KPNA6: variants seen among roughly 807,000 people sequenced by gnomAD.
The protein encoded by KPNA6 is importin subunit alpha-7.
Under a neutral mutation model 72.0 loss-of-function variants are expected in KPNA6, and 9 were observed. The observed-to-expected ratio is 0.13, with a 90% CI of 0.08 to 0.22. KPNA6 has a LOEUF of 0.22. Ranked by LOEUF, KPNA6 falls within the 10% of genes least tolerant of loss-of-function variation. The probability of loss-of-function intolerance (pLI) is 1.00; values close to 1 mark genes in which losing one functional copy is unlikely to be tolerated. For synonymous variants in KPNA6, 219 were observed against 242.1 expected, an observed-to-expected ratio of 0.90 and a Z score of 0.89; for missense variants, 374 against 655.7, an observed-to-expected ratio of 0.57 and a Z score of 4.69.
chr1:32,158,244 A>C (rs374930569), intron 4 of KPNA6, 23 bp from the exon 5 acceptor site: 2 of 1,537,898 alleles, frequency 1.3e-6, no homozygotes, highest in Admixed American at 1.7e-5. Flanking sequence ...CTGTGTTTTT[A>C]TTTTCCCTTC....
Position 32,160,703 on chromosome 1 carries a change from C to G in KPNA6, c.647C>G (p.Thr216Arg). 1 of 1,611,160 alleles carries G rather than the reference C, an allele frequency of 6.2e-7. No homozygotes were observed. Among genetic ancestry groups the G allele is most frequent in the Non-Finnish European group, 8.5e-7 (1 of 1,177,388 alleles). Residue 216 changes from threonine (T) to arginine (R), a missense_variant and splice_region_variant, in exon 7 of 14, where the codon ACA (threonine) becomes AGA (arginine). By Grantham distance (71) the Thr-to-Arg change is moderately conservative. Transcript: ENST00000373625. ...TGTTCCATCCTTAATCCTTTGTTAACGTGAGTAATTATAATCATCTGTACC... is the reference window on the plus strand; with the variant it reads ...TGTTCCATCCTTAATCCTTTGTTAAGGTGAGTAATTATAATCATCTGTACC... ...LNCSILNPLL[T>R]LLTKSTRLTM... is the part of the protein sequence containing the mutation.
At position 32,154,583 on chromosome 1, in the gene KPNA6, T is replaced by C. The variant is rs1302898254; in HGVS notation, c.5-5T>C. On this transcript the variant is annotated splice_polypyrimidine_tract_variant and splice_region_variant and intron_variant, in intron 1 of 13. Coordinates refer to ENST00000373625, the MANE Select transcript of KPNA6 (RefSeq NM_012316.5). ...GTTTTTGGCAGTGTGTATCTTTTCTTCTAGAGACCATGGCGAGCCCAGGGA... is the reference window on the plus strand; with the variant it reads ...GTTTTTGGCAGTGTGTATCTTTTCTCCTAGAGACCATGGCGAGCCCAGGGA... The C allele has an allele frequency of 6.2e-7, 1 of 1,612,764 alleles. No individual in the cohort carries two copies. The highest frequency in any genetic ancestry group is 2.2e-5 in the East Asian group (1 of 44,842).
rs1642407680 is a variant in KPNA6, at chr1:32,169,980, T to C, written c.1343T>C (p.Ile448Thr). ...GTGGCCCTCAATGGACTGGAGAACA[T>C]CCTGCGGCTTGGAGAGCAAGAGGGC... ...VQVALNGLEN[I>T]LRLGEQEGKR... Residue 448 changes from isoleucine (I) to threonine (T), a missense_variant, in exon 13 of 14, where the codon ATC (isoleucine) becomes ACC (threonine). Transcript: ENST00000373625. 6.2e-7 allele frequency: 1 copy of C among 1,613,938 alleles called. No homozygotes were observed. Among genetic ancestry groups the C allele is most frequent in the Non-Finnish European group, 8.5e-7 (1 of 1,180,026 alleles).
chr1:32,162,288 C>A, intron 8 of KPNA6, 73 bp from the exon 9 acceptor site: 1 of 1,391,958 alleles, frequency 7.2e-7, no homozygotes, highest in Non-Finnish European at 9.8e-7. Flanking sequence ...GCGGTGGTTG[C>A]AATGTTAGGG....
chr1:32,161,805 C>A, intron 7 of KPNA6, 142 bp from the exon 8 acceptor site: 1 of 648,470 alleles, frequency 1.5e-6, no homozygotes, highest in Non-Finnish European at 2.8e-6. Context: ...CCTATACCAG[C>A]TCTATTAACT....
chr1:32,162,921 G>A (rs916117361), intron 9 of KPNA6, among the ~76,000 whole-genome samples: 3 of 151,684 alleles, frequency 2.0e-5, no homozygotes, highest in South Asian at 4.2e-4. Flanking sequence ...TGGCTAACAC[G>A]GTGAAACCCC....
intron 1 of KPNA6, among the ~76,000 whole-genome samples, chr1:32,126,368 G>T (rs1377627647): frequency 7.4e-6 from 1 of 135,786 alleles, no homozygotes; most frequent in Non-Finnish European, 1.5e-5. Context: ...GGTATAGATT[G>T]CAGAAGTCAT....
At chr1:32,111,145 A>T (rs1641238230) in intron 1 of KPNA6, among the ~76,000 whole-genome samples, 2 of 152,198 alleles carry the variant, frequency 1.3e-5, no homozygotes, top group South Asian at 4.1e-4. Flanking sequence ...TCAGTTTCAG[A>T]AACACTGTTG....
At chr1:32,142,847 C>T (rs1314679834) in intron 1 of KPNA6, 6 of 808,098 alleles carry the variant, frequency 7.4e-6, no homozygotes, top group Non-Finnish European at 1.0e-5. Flanking sequence ...TCCAATCTAA[C>T]CTCCCTTGTC....
chr1:32,121,503 CTATT>C (rs764180343), intron 1 of KPNA6, among the ~76,000 whole-genome samples: 18 of 152,138 alleles, frequency 1.2e-4, no homozygotes, highest in Non-Finnish European at 2.4e-4. Context: ...GTTTGATCAT[CTATT>C]TATCTCTATA....
chr1:32,132,296 G>C (rs573650216), intron 1 of KPNA6, among the ~76,000 whole-genome samples: 1 of 151,270 alleles, frequency 6.6e-6, no homozygotes, highest in African/African-American at 2.4e-5. Flanking sequence ...AAGCATTAAA[G>C]TGTTTTGTTT....
intron 1 of KPNA6, among the ~76,000 whole-genome samples, chr1:32,137,473 A>C (rs1641754563): frequency 6.6e-6 from 1 of 152,084 alleles, no homozygotes; most frequent in African/African-American, 2.4e-5. Flanking sequence ...GCACCTGGCT[A>C]CTTCCCCCAA....
chr1:32,154,184 A>G (rs1320264167), intron 1 of KPNA6, among the ~76,000 whole-genome samples: 2 of 152,128 alleles, frequency 1.3e-5, no homozygotes, highest in East Asian at 3.9e-4. Context: ...TATGGTCTGC[A>G]GACCCCTGGG....
intron 1 of KPNA6, among the ~76,000 whole-genome samples, chr1:32,129,539 T>G (rs552917286): frequency 1.3e-5 from 2 of 151,684 alleles, no homozygotes; most frequent in East Asian, 3.9e-4. Flanking sequence ...GATATTTGTG[T>G]TTTTTTTGTT....
chr1:32,111,890 C>G (rs1428427510), intron 1 of KPNA6, among the ~76,000 whole-genome samples: 1 of 152,150 alleles, frequency 6.6e-6, no homozygotes, highest in African/African-American at 2.4e-5. Context: ...TTATTCTGAC[C>G]CTCTAGCAGA....
rs527685401 is a variant in KPNA6 at position 32,118,954 on chromosome 1, A to G, written c.4+10820A>G. On this transcript the variant is annotated intron_variant, in intron 1 of 13. Coordinates refer to ENST00000373625, the MANE Select transcript of KPNA6 (RefSeq NM_012316.5). The stretch of plus-strand genomic sequence containing the variant: ...TCACTTAGTAAACAAAGTACTTTCT[A>G]TGTGTCAAGCCATATATATGTGTGT... Among the ~76,000 whole-genome samples the G allele has an allele frequency of 2.4e-4, 34 of 140,824 alleles. 1 individual carries two copies. In the South Asian group the frequency reaches 4.5e-3, roughly 19 times the overall value. The allele number at this position is 140,824 out of a possible 152,430, so 92.4% of individuals were successfully genotyped here.
In KPNA6 at chr1:32,108,125, C is replaced by T; in HGVS notation, c.-6C>T. On this transcript the variant is annotated 5_prime_UTR_variant, in exon 1 of 14. Coordinates refer to ENST00000373625, the MANE Select transcript of KPNA6 (RefSeq NM_012316.5). ...CCGCCGCCAAGAGTGAGCGAGCGGACCCGCGATGGGTGAGTGAGGAAACCA... is the reference window on the plus strand; with the variant it reads ...CCGCCGCCAAGAGTGAGCGAGCGGATCCGCGATGGGTGAGTGAGGAAACCA... 6.2e-7 allele frequency: 1 copy of T among 1,614,032 alleles called. No homozygotes were observed. Among genetic ancestry groups the T allele is most frequent in the Non-Finnish European group, 8.5e-7 (1 of 1,179,940 alleles).
At chr1:32,157,708 C>G (rs1642169001) in intron 4 of KPNA6, among the ~76,000 whole-genome samples, 1 of 152,078 alleles carries the variant, frequency 6.6e-6, no homozygotes, top group South Asian at 2.1e-4. Context: ...TTTTACCTTG[C>G]CCTACATATT....
intron 5 of KPNA6, among the ~76,000 whole-genome samples, chr1:32,158,653 C>G (rs1174798487): frequency 6.6e-6 from 1 of 151,978 alleles, no homozygotes; most frequent in Non-Finnish European, 1.5e-5. Context: ...TTTTTGTACC[C>G]ATTACTTATC....
Sources: gnomAD v4.1 joint callset for allele counts (sites outside exome capture counted in the v4.1 genomes callset) on GRCh38, gnomAD v4.1.1 for gene constraint, MANE v1.5 for transcripts, NCBI Gene and HGNC (gene_info 2026-07-23, HGNC 2026-07-21) for gene names.